GRAMD1B: variants seen among roughly 807,000 people sequenced by gnomAD.
GRAMD1B encodes GRAM domain containing 1B.
In GRAMD1B, 37 loss-of-function variants were observed where a neutral mutation model predicts 99.7. That is an observed-to-expected ratio of 0.37 (90% CI 0.29 to 0.49). The LOEUF (loss-of-function observed/expected upper bound fraction) is 0.49. Ranked by LOEUF, GRAMD1B falls within the 20% of genes least tolerant of loss-of-function variation. The pLI is 0.98. For synonymous variants in GRAMD1B, 427 were observed against 387.6 expected, an observed-to-expected ratio of 1.10 and a Z score of -1.19; for missense variants, 888 against 1,009.2, an observed-to-expected ratio of 0.88 and a Z score of 1.63.
chr11:123,361,354 C>T (rs1051594030), intron 1 of GRAMD1B, among the ~76,000 whole-genome samples: 1 of 152,190 alleles, frequency 6.6e-6, no homozygotes, highest in African/African-American at 2.4e-5. Context: ...GCACAGGTGG[C>T]ATGTAGTTTT....
rs1450603005 is a variant in GRAMD1B, at chr11:123,608,695, G to A, written c.1550G>A (p.Arg517Gln). 6.4e-6 allele frequency: 10 copies of A among 1,567,236 alleles called. No homozygotes were observed. The highest frequency in any genetic ancestry group is 2.4e-5 in the East Asian group (1 of 42,508). Residue 517 changes from arginine to glutamine, a missense_variant, in exon 12 of 20, where the codon CGG becomes CAG. Physicochemically the swap from Arg to Gln is conservative, Grantham distance 43. Around this residue, in one of 5 missense-constraint regions of GRAMD1B, gnomAD observed 269 missense variants for 296.6 expected, o/e 0.91. Coordinates refer to ENST00000635736, the MANE Select transcript of GRAMD1B (RefSeq NM_001387025.1). ...VQAFYEDLSG[R>Q]QYVNEVFNFS... Reference sequence around the variant, plus strand: ...GCCTTCTATGAGGACCTGAGTGGCCGGCAGTACGTGAATGAAGTCTTCAAC... The same window carrying A: ...GCCTTCTATGAGGACCTGAGTGGCCAGCAGTACGTGAATGAAGTCTTCAAC...
At chr11:123,620,472 CAAA>C (rs55787871) in intron 19 of GRAMD1B, among the ~76,000 whole-genome samples, 11 of 69,228 alleles carry the variant, frequency 1.6e-4, no homozygotes, top group Admixed American at 1.1e-3. Flanking sequence ...GACTTCATCT[CAAA>C]AAAAAAAAAA....
At chr11:123,367,008 A>C (rs1341081555) in intron 1 of GRAMD1B, among the ~76,000 whole-genome samples, 1 of 152,014 alleles carries the variant, frequency 6.6e-6, no homozygotes, top group East Asian at 1.9e-4. Context: ...TTTTAAGACC[A>C]CCCTGAGCAA....
rs1434005975 is a variant in GRAMD1B, at chr11:123,544,376, A to G, written c.453-32991A>G. 2.0e-5 allele frequency among the ~76,000 whole-genome samples: 3 copies of G among 152,306 alleles called. No individual in the cohort carries two copies. In the Middle Eastern group the frequency reaches 0.01, roughly 518 times the overall value. On this transcript the variant is annotated intron_variant, in intron 2 of 19. Transcript: ENST00000635736. ...TGCCCTAACCACCCCACTGCTTCCA[A>G]CCAAACCCCTGACCACCTTTCCTTC...
At chr11:123,455,916 TC>T (rs1437257773) in intron 1 of GRAMD1B, among the ~76,000 whole-genome samples, 1 of 152,152 alleles carries the variant, frequency 6.6e-6, no homozygotes, top group Non-Finnish European at 1.5e-5. Flanking sequence ...GCTCCTGTAG[TC>T]CCAGCACTTT....
At position 123,576,483 on chromosome 11, in the gene GRAMD1B, C is replaced by G. The variant is rs529679767; in HGVS notation, c.453-884C>G. Among the ~76,000 whole-genome samples the G allele has an allele frequency of 4.3e-4, 65 of 152,366 alleles. 1 individual carries two copies. In the Middle Eastern group the frequency reaches 0.01, roughly 24 times the overall value. Reference sequence around the variant, plus strand: ...ATTCAACTGCATTCAGTTTCTCTCTCCCTTCTGTCTCTCATCTCTTCTTCT... The same window carrying G: ...ATTCAACTGCATTCAGTTTCTCTCTGCCTTCTGTCTCTCATCTCTTCTTCT... On this transcript the variant is annotated intron_variant, in intron 2 of 19. Coordinates refer to ENST00000635736, the MANE Select transcript of GRAMD1B (RefSeq NM_001387025.1).
chr11:123,483,596 CT>C (rs1408657235), intron 2 of GRAMD1B, among the ~76,000 whole-genome samples: 1 of 152,092 alleles, frequency 6.6e-6, no homozygotes, highest in Non-Finnish European at 1.5e-5. Flanking sequence ...CCACATTTCC[CT>C]GGCTGCTCTC....
At chr11:123,597,046 T>C (rs1425258236) in intron 7 of GRAMD1B, among the ~76,000 whole-genome samples, 3 of 152,046 alleles carry the variant, frequency 2.0e-5, no homozygotes, top group African/African-American at 7.2e-5. Flanking sequence ...TCTCTCATTC[T>C]GACCTAGCAA....
chr11:123,570,245 G>A (rs1947909216), intron 2 of GRAMD1B, among the ~76,000 whole-genome samples: 1 of 152,076 alleles, frequency 6.6e-6, no homozygotes, highest in Non-Finnish European at 1.5e-5. Flanking sequence ...ATTTATTGGT[G>A]GGGGTGGTAT....
At chr11:123,371,345 C>G (rs1946523112) in intron 1 of GRAMD1B, among the ~76,000 whole-genome samples, 1 of 152,082 alleles carries the variant, frequency 6.6e-6, no homozygotes, top group Admixed American at 6.5e-5. Flanking sequence ...AGGAAAAGAG[C>G]CCAGCTAATA....
At chr11:123,432,467 G>C (rs1167695747) in intron 1 of GRAMD1B, among the ~76,000 whole-genome samples, 1 of 151,026 alleles carries the variant, frequency 6.6e-6, no homozygotes, top group Admixed American at 6.6e-5. Context: ...TGAGGCAAGA[G>C]AATCGCTTGA....
chr11:123,598,163 G>A, intron 7 of GRAMD1B: 1 of 1,546,682 alleles, frequency 6.5e-7, no homozygotes, highest in South Asian at 1.1e-5. Context: ...CCATGAGCAT[G>A]ATGCCATTCA....
At chr11:123,436,242 A>G (rs962124800) in intron 1 of GRAMD1B, among the ~76,000 whole-genome samples, 14 of 152,056 alleles carry the variant, frequency 9.2e-5, no homozygotes, top group Non-Finnish European at 2.1e-4. Context: ...TGCCTGACTG[A>G]AACTCATACT....
At chr11:123,500,416 A>G (rs1182322261) in intron 2 of GRAMD1B, among the ~76,000 whole-genome samples, 1 of 152,196 alleles carries the variant, frequency 6.6e-6, no homozygotes, top group Non-Finnish European at 1.5e-5. Flanking sequence ...CCTAATCCAT[A>G]CATTTCTTCT....
At chr11:123,518,881 A>G (rs891393508) in intron 2 of GRAMD1B, among the ~76,000 whole-genome samples, 1 of 152,228 alleles carries the variant, frequency 6.6e-6, no homozygotes, top group Non-Finnish European at 1.5e-5. Flanking sequence ...GCCTGAAGGA[A>G]TATTCTGGAT....
chr11:123,617,211 TCTCA>T (rs1057282434), intron 17 of GRAMD1B, among the ~76,000 whole-genome samples: 1 of 151,002 alleles, frequency 6.6e-6, no homozygotes, highest in African/African-American at 2.4e-5. Context: ...TGAGACAGGT[TCTCA>T]CTCTGTTGCC....
chr11:123,498,209 C>T (rs1187820102), intron 2 of GRAMD1B, among the ~76,000 whole-genome samples: 1 of 152,236 alleles, frequency 6.6e-6, no homozygotes, highest in Non-Finnish European at 1.5e-5. Flanking sequence ...ACCCCAAGAG[C>T]CTGCTTGGCG....
intron 1 of GRAMD1B, among the ~76,000 whole-genome samples, chr11:123,445,786 T>C (rs1949609428): frequency 7.0e-6 from 1 of 142,978 alleles, no homozygotes; most frequent in African/African-American, 2.6e-5. Context: ...GCCAGTGCAC[T>C]TCAGCCTGGG....
At chr11:123,505,274 C>T (rs1940307617) in intron 2 of GRAMD1B, among the ~76,000 whole-genome samples, 1 of 152,066 alleles carries the variant, frequency 6.6e-6, no homozygotes, top group African/African-American at 2.4e-5. Context: ...TCAAGTGACT[C>T]TTCCCCCTTA....
Sources: allele counts gnomAD v4.1 joint callset (sites outside exome capture counted in the v4.1 genomes callset), GRCh38; gene constraint gnomAD v4.1.1; regional missense constraint gnomAD v4.1.1; transcripts MANE v1.5; gene names NCBI Gene and HGNC (gene_info 2026-07-23, HGNC 2026-07-21).